The following CMSS1 variants were observed in gnomAD, a reference collection of about 807,000 sequenced individuals.
The protein encoded by CMSS1 is protein CMSS1.
CMSS1 carries 33 observed loss-of-function variants against 43.5 expected under a neutral mutation model. The observed-to-expected ratio is 0.76, with a 90% CI of 0.57 to 1.01. The LOEUF (loss-of-function observed/expected upper bound fraction) is 1.01. CMSS1 is among the 50% of genes least tolerant of loss of function. CMSS1 has a pLI of 0.00. For missense variants in CMSS1, 313 were observed against 326.4 expected, an observed-to-expected ratio of 0.96 and a Z score of 0.32; for synonymous variants, 115 against 117.2, an observed-to-expected ratio of 0.98 and a Z score of 0.12.
intron 1 of CMSS1, among the ~76,000 whole-genome samples, chr3:100,011,063 A>G (rs1710140850): frequency 6.6e-6 from 1 of 152,158 alleles, no homozygotes. Context: ...GGATGGTACC[A>G]GGGCTTGTGG....
At chr3:99,984,378 G>A (rs768403533) in intron 1 of CMSS1, among the ~76,000 whole-genome samples, 1 of 152,158 alleles carries the variant, frequency 6.6e-6, no homozygotes, top group Non-Finnish European at 1.5e-5. Context: ...ATTTATTACT[G>A]ATAGATAATG....
chr3:99,841,488 C>T (rs910187994), intron 1 of CMSS1, among the ~76,000 whole-genome samples: 2 of 152,150 alleles, frequency 1.3e-5, no homozygotes, highest in Admixed American at 1.3e-4. Context: ...TTGTAACCAC[C>T]ACAGGCATGA....
rs1235222875 is a variant in CMSS1 at position 99,817,927 on chromosome 3, C to T, written c.-53C>T. 8 of 1,583,216 alleles carry T rather than the reference C, an allele frequency of 5.1e-6. No individual in the cohort carries two copies. Among genetic ancestry groups the T allele is most frequent in the Non-Finnish European group, 6.9e-6 (8 of 1,153,278 alleles). On this transcript the variant is annotated 5_prime_UTR_variant, in exon 1 of 10. Transcript: ENST00000421999. The stretch of plus-strand genomic sequence containing the variant: ...CTGGCTTTGAGACAACGTGATTCTC[C>T]GCAGCTGGTCGCCTACCCGTGATGT...
chr3:99,874,535 C>T (rs974901634), intron 1 of CMSS1: 1 of 152,134 alleles, frequency 6.6e-6, no homozygotes, highest in Non-Finnish European at 1.5e-5. Flanking sequence ...TCAGTACTAA[C>T]CTGCAGTTTA....
Position 100,066,517 on chromosome 3 carries a change from CTTTTTTTTTTTTTTTTT to C in CMSS1, c.65-80440_65-80424del, listed in dbSNP as rs545356638. 2.1e-4 allele frequency among the ~76,000 whole-genome samples: 8 copies of C among 38,318 alleles called. No homozygotes were observed. The East Asian group carries it at 2.4e-3, about 12-fold the overall frequency. 25.1% of individuals were successfully genotyped at this position (38,318 alleles called of 152,430 possible). ...AAGGATGATGTGGAAGGCTTTGCTT[CTTTTTTTTTTTTTTTTT>C]TTTTTTTTTTTTTTTGAGACGGAGT... On this transcript the variant is annotated intron_variant, in intron 1 of 9. Coordinates refer to ENST00000421999, the MANE Select transcript of CMSS1 (RefSeq NM_032359.4).
In CMSS1 at chr3:100,164,862, G is replaced by A. The variant is rs112408128; in HGVS notation, c.356-1473G>A. ...TTTTGATTTGAGGTTGTTTGTGTCT[G>A]TAGGGCAGGAACATGTCTTTTCAAT... On this transcript the variant is annotated intron_variant, in intron 4 of 9. Coordinates refer to ENST00000421999, the MANE Select transcript of CMSS1 (RefSeq NM_032359.4). Among the ~76,000 whole-genome samples, 569 of 152,280 alleles carry A rather than the reference G, an allele frequency of 3.7e-3. 2 individuals carry two copies. Among genetic ancestry groups the A allele is most frequent in the African/African-American group, 0.013 (534 of 41,566 alleles).
At chr3:99,849,984 T>A (rs760776400) in intron 1 of CMSS1, 9 of 1,612,282 alleles carry the variant, frequency 5.6e-6, no homozygotes, top group Non-Finnish European at 7.6e-6. Flanking sequence ...TTAAATCATC[T>A]CTCTCCTTGG....
At chr3:100,003,416 A>G (rs1709899074) in intron 1 of CMSS1, among the ~76,000 whole-genome samples, 1 of 152,158 alleles carries the variant, frequency 6.6e-6, no homozygotes, top group Admixed American at 6.5e-5. Context: ...TAACCAATGC[A>G]CCTAGAATAA....
At chr3:99,955,468 G>A (rs2107694222) in intron 1 of CMSS1, among the ~76,000 whole-genome samples, 1 of 152,288 alleles carries the variant, frequency 6.6e-6, no homozygotes, top group South Asian at 2.1e-4. Flanking sequence ...GATAATAGAA[G>A]TAATTATTAA....
At chr3:100,091,238 T>C (rs1334319149) in intron 1 of CMSS1, among the ~76,000 whole-genome samples, 1 of 150,750 alleles carries the variant, frequency 6.6e-6, no homozygotes, top group Non-Finnish European at 1.5e-5. Flanking sequence ...TGAGCCGAGA[T>C]TGCGCCACTG....
intron 2 of CMSS1, among the ~76,000 whole-genome samples, chr3:100,154,080 C>T (rs141455562): frequency 4.6e-5 from 7 of 152,214 alleles, no homozygotes; most frequent in Admixed American, 2.0e-4. Context: ...GAACTCCTGA[C>T]CTCAAGTGAT....
At position 99,958,212 on chromosome 3, in the gene CMSS1, T is replaced by TATTATTATC. The variant is rs1708391951; in HGVS notation, c.64+140177_64+140178insCATTATTAT. Among the ~76,000 whole-genome samples, 3 of 129,866 alleles carry TATTATTATC rather than the reference T, an allele frequency of 2.3e-5. No individual in the cohort carries two copies. The South Asian group carries it at 7.0e-4, about 30-fold the overall frequency. The allele number at this position is 129,866 out of a possible 152,430, so 85.2% of individuals were successfully genotyped here. On this transcript the variant is annotated intron_variant, in intron 1 of 9. Transcript: ENST00000421999. ...TATTAAGCCCTGCATGCATTATTATTATTATTATTATTATTATTATTATTA... is the reference window on the plus strand; with the variant it reads ...TATTAAGCCCTGCATGCATTATTATTATTATTATCATTATTATTATTATTATTATTATTA...
chr3:100,084,836 AT>A (rs2065983036), intron 1 of CMSS1, among the ~76,000 whole-genome samples: 1 of 152,204 alleles, frequency 6.6e-6, no homozygotes, highest in Admixed American at 6.5e-5. Context: ...CGTAGGTGGA[AT>A]TTGGTTGCTA....
intron 1 of CMSS1, chr3:99,876,011 G>T: frequency 1.0e-6 from 1 of 975,430 alleles, no homozygotes; most frequent in East Asian, 1.1e-4. Flanking sequence ...CCACAGACTT[G>T]CTACCTGGCT....
chr3:99,893,535 A>G (rs1487162977), intron 1 of CMSS1, among the ~76,000 whole-genome samples: 1 of 152,148 alleles, frequency 6.6e-6, no homozygotes, highest in Non-Finnish European at 1.5e-5. Flanking sequence ...ATAGAATTTG[A>G]AGTCTTCTCA....
chr3:100,076,157 C>T (rs1418630460), intron 1 of CMSS1, among the ~76,000 whole-genome samples: 2 of 152,146 alleles, frequency 1.3e-5, no homozygotes, highest in African/African-American at 4.8e-5. Context: ...CCCGGAAAAC[C>T]CTTAAAAATG....
intron 4 of CMSS1, among the ~76,000 whole-genome samples, chr3:100,164,128 C>T (rs2067047692): frequency 6.6e-6 from 1 of 152,178 alleles, no homozygotes; most frequent in African/African-American, 2.4e-5. Flanking sequence ...CAGACAGTTC[C>T]AATAGCAGTT....
intron 1 of CMSS1, among the ~76,000 whole-genome samples, chr3:99,831,954 C>T (rs1209442505): frequency 6.6e-6 from 1 of 152,112 alleles, no homozygotes; most frequent in Non-Finnish European, 1.5e-5. Flanking sequence ...CTGTGAAAGG[C>T]CGAGACAGAT....
intron 1 of CMSS1, among the ~76,000 whole-genome samples, chr3:100,022,673 T>A (rs1207827576): frequency 6.6e-6 from 1 of 152,244 alleles, no homozygotes; most frequent in Non-Finnish European, 1.5e-5. Context: ...CCATTCTGCC[T>A]GACTCAGCTG....
Sources: gnomAD v4.1 joint callset for allele counts (sites outside exome capture counted in the v4.1 genomes callset) on GRCh38, gnomAD v4.1.1 for gene constraint, MANE v1.5 for transcripts, NCBI Gene and HGNC (gene_info 2026-07-23, HGNC 2026-07-21) for gene names.